Variants in NUP98 observed in about 807,000 individuals in gnomAD.
The protein encoded by NUP98 is nuclear pore complex protein Nup98-Nup96.
In NUP98, 26 loss-of-function variants were observed where a neutral mutation model predicts 191.9. That is an observed-to-expected ratio of 0.14 (90% CI 0.10 to 0.19). The LOEUF (loss-of-function observed/expected upper bound fraction) is 0.19, where lower values mean the gene tolerates loss of function less well. Among genes scored for constraint, NUP98 ranks in the 10% least tolerant of loss-of-function variants. The probability of loss-of-function intolerance (pLI) is 1.00; values close to 1 mark genes in which losing one functional copy is unlikely to be tolerated. For synonymous variants in NUP98, 808 were observed against 778.4 expected (o/e 1.04, Z -0.63); for missense variants, 1,941 against 2,178.8 (o/e 0.89, Z 2.17).
chr11:3,709,976 T>C (rs1432041146), intron 20 of NUP98, among the ~76,000 whole-genome samples: 1 of 70,574 alleles, frequency 1.4e-5, no homozygotes, highest in Non-Finnish European at 3.0e-5. Context: ...AGTACAATAA[T>C]AATTTAAAAA....
chr11:3,748,100 A>G (rs1456067990), intron 11 of NUP98, among the ~76,000 whole-genome samples: 2 of 152,224 alleles, frequency 1.3e-5, no homozygotes, highest in African/African-American at 4.8e-5. Context: ...GTGAGAGAGA[A>G]CTGTTGAAGA....
rs186519383 is a variant in NUP98 at position 3,750,938 on chromosome 11, C to A, written c.1267+2378G>T. Among the ~76,000 whole-genome samples, 20 of 152,296 alleles carry A rather than the reference C, an allele frequency of 1.3e-4. 1 individual carries two copies. Among genetic ancestry groups the A allele is most frequent in the Admixed American group, 1.2e-3 (18 of 15,278 alleles). On this transcript the variant is annotated intron_variant, in intron 11 of 32. Coordinates refer to ENST00000324932, the MANE Select transcript of NUP98 (RefSeq NM_016320.5). ...AGCATAACCCATTAGGCCCAGCCTA[C>A]TGATTTTTAATTCTACTTCATTTTC...
At chr11:3,776,121 A>AAT in intron 4 of NUP98, 100 bp from the exon 5 acceptor site, 1 of 538,260 alleles carries the variant, frequency 1.9e-6, no homozygotes, top group Admixed American at 3.5e-5. Flanking sequence ...ACAGTACTTC[A>AAT]TTTTTTTTTT....
intron 31 of NUP98, 30 bp from the exon 32 acceptor site, chr11:3,676,650 C>A (rs780521990): frequency 3.7e-5 from 57 of 1,526,614 alleles, no homozygotes; most frequent in Non-Finnish European, 4.8e-5. Context: ...CCAATTAATC[C>A]AAGGGGAGTT....
intron 2 of NUP98, among the ~76,000 whole-genome samples, chr11:3,779,961 C>A (rs2081899554): frequency 6.6e-6 from 1 of 151,942 alleles, no homozygotes; most frequent in Non-Finnish European, 1.5e-5. Context: ...AATCCCGCCT[C>A]TACTAAAAAT....
At chr11:3,712,877 CT>C (rs2079062424) in intron 19 of NUP98, 149 bp from the exon 20 acceptor site, 1 of 731,684 alleles carries the variant, frequency 1.4e-6, no homozygotes, top group Non-Finnish European at 2.2e-6. Flanking sequence ...ACCTATCACA[CT>C]TTTATCTAAG....
rs541362962 is a variant in NUP98, at chr11:3,775,014, A to G, written c.495+868T>C. On this transcript the variant is annotated intron_variant, in intron 5 of 32. Coordinates refer to ENST00000324932, the MANE Select transcript of NUP98 (RefSeq NM_016320.5). ...GCTAACTGCACCTCCAGCATACCCT[A>G]AGAATCCCCCAAACATTTACATCAA... 4.6e-5 allele frequency among the ~76,000 whole-genome samples: 7 copies of G among 152,312 alleles called. No individual in the cohort carries two copies. In the South Asian group the frequency reaches 1.5e-3, roughly 32 times the overall value.
intron 28 of NUP98, among the ~76,000 whole-genome samples, chr11:3,687,356 GTCTT>G (rs1392283287): frequency 5.3e-5 from 8 of 152,148 alleles, no homozygotes; most frequent in Middle Eastern, 3.2e-3. Flanking sequence ...TCTCTTAACA[GTCTT>G]TCTATGAGCA....
intron 10 of NUP98, among the ~76,000 whole-genome samples, chr11:3,755,499 C>G (rs2134460089): frequency 6.6e-6 from 1 of 151,288 alleles, no homozygotes; most frequent in East Asian, 2.0e-4. Flanking sequence ...GAAAAAGTAG[C>G]CCAAAAAGAT....
intron 1 of NUP98, among the ~76,000 whole-genome samples, chr11:3,797,053 C>A (rs1427205350): frequency 6.6e-6 from 1 of 152,256 alleles, no homozygotes; most frequent in Non-Finnish European, 1.5e-5. Context: ...AGACCGTATT[C>A]AGGGTTTCAA....
intron 1 of NUP98, among the ~76,000 whole-genome samples, chr11:3,789,187 TTTTG>T (rs1459871341): frequency 1.3e-5 from 2 of 152,150 alleles, no homozygotes; most frequent in African/African-American, 4.8e-5. Context: ...AAAAGCAGCA[TTTTG>T]TTTATTTTTC....
At chr11:3,746,718 G>C (rs956700145) in intron 11 of NUP98, among the ~76,000 whole-genome samples, 1 of 151,772 alleles carries the variant, frequency 6.6e-6, no homozygotes, top group Admixed American at 6.6e-5. Context: ...TTCGAGACCA[G>C]CCTGACAAAC....
At chr11:3,702,313 A>ACT (rs71041375) in intron 23 of NUP98, 150 bp downstream of exon 23, 327 of 348,982 alleles carry the variant, frequency 9.4e-4, no homozygotes, top group Middle Eastern at 1.6e-3. Context: ...ACACACACAC[A>ACT]CTCTCTCTCT....
rs2079357792 is a variant in NUP98 at position 3,720,743 on chromosome 11, G to A, written c.2229C>T (p.Cys743=). 2 of 1,593,280 alleles carry A rather than the reference G, an allele frequency of 1.3e-6. No homozygotes were observed. Among genetic ancestry groups the A allele is most frequent in the Non-Finnish European group, 1.7e-6 (2 of 1,165,712 alleles). The change falls in exon 17 of 33, where the codon TGC becomes TGT. Residue 743 remains cysteine, a synonymous_variant. Coordinates refer to ENST00000324932, the MANE Select transcript of NUP98 (RefSeq NM_016320.5). The part of the protein sequence containing the change: ...LAKITNEKGE[C]IVSDFTIGRK... ...GACCAATAGTGAAATCAGAGACAAT[G>A]CACTCTCCTTTTTCATTGGTAATTT...
At chr11:3,787,181 T>A (rs1166664395) in intron 1 of NUP98, among the ~76,000 whole-genome samples, 1 of 152,192 alleles carries the variant, frequency 6.6e-6, no homozygotes, top group Non-Finnish European at 1.5e-5. Flanking sequence ...ATTAGCCTAG[T>A]GTAACCTAAT....
chr11:3,741,532 A>AATCG (rs2080286158), intron 12 of NUP98, among the ~76,000 whole-genome samples: 1 of 152,076 alleles, frequency 6.6e-6, no homozygotes, highest in African/African-American at 2.4e-5. Flanking sequence ...GAGGAAGGAG[A>AATCG]ATCGCTTCAA....
intron 11 of NUP98, among the ~76,000 whole-genome samples, chr11:3,752,745 T>G (rs974612765): frequency 6.6e-6 from 1 of 152,172 alleles, no homozygotes; most frequent in African/African-American, 2.4e-5. Context: ...AAAACACTTA[T>G]ATATTTTATG....
chr11:3,745,555 T>TA (rs1056297597), intron 11 of NUP98, among the ~76,000 whole-genome samples: 20 of 151,882 alleles, frequency 1.3e-4, no homozygotes, highest in South Asian at 2.1e-4. Flanking sequence ...TTGGCATTAT[T>TA]AAAAAAAATT....
intron 23 of NUP98, among the ~76,000 whole-genome samples, chr11:3,701,217 A>G (rs2078666035): frequency 6.6e-6 from 1 of 152,030 alleles, no homozygotes. Context: ...ACTGATTCTA[A>G]ATTACAATGA....
Sources: gnomAD v4.1 joint callset for allele counts (sites outside exome capture counted in the v4.1 genomes callset) on GRCh38, gnomAD v4.1.1 for gene constraint, MANE v1.5 for transcripts, NCBI Gene and HGNC (gene_info 2026-07-23, HGNC 2026-07-21) for gene names.